CLN6: variants seen among roughly 807,000 people sequenced by gnomAD.
CLN6 encodes CLN6 transmembrane ER protein.
CLN6 carries 22 observed loss-of-function variants against 33.3 expected under a neutral mutation model. That is an observed-to-expected ratio of 0.66 (90% CI 0.47 to 0.94). CLN6 has a LOEUF of 0.94. Ranked by LOEUF, CLN6 falls within the 40% of genes least tolerant of loss-of-function variation. The pLI, the probability that CLN6 is intolerant of heterozygous loss-of-function variation, is 0.00. For missense variants in CLN6, 387 were observed against 417.1 expected, an observed-to-expected ratio of 0.93 and a Z score of 0.63; for synonymous variants, 201 against 174.6, an observed-to-expected ratio of 1.15 and a Z score of -1.19.
At chr15:68,249,961 C>T (rs1045979130) in intron 1 of CLN6, among the ~76,000 whole-genome samples, 5 of 152,058 alleles carry the variant, frequency 3.3e-5, no homozygotes, top group Admixed American at 1.3e-4. Context: ...TTAGTAGAGA[C>T]GGGGTTTCAC....
chr15:68,211,029 G>C lies in CLN6; in HGVS notation c.542+234C>G, dbSNP rs564713746. Among the ~76,000 whole-genome samples the C allele has an allele frequency of 6.6e-6, 1 of 152,204 alleles. No individual in the cohort carries two copies. The highest frequency in any genetic ancestry group is 1.9e-4 in the East Asian group (1 of 5,178). On this transcript the variant is annotated intron_variant, in intron 5 of 6. Coordinates refer to ENST00000249806, the MANE Select transcript of CLN6 (RefSeq NM_017882.3). This position sits in a 1 kb window ranked among gnomAD's most constrained non-coding sequence, Gnocchi z 5.9. Reference sequence around the variant, plus strand: ...AGGGCTGGGCGGGGGTGGCGATGCTGGGGGGATGCTGGCTGGAAGCCGGGG... The same window carrying C: ...AGGGCTGGGCGGGGGTGGCGATGCTCGGGGGATGCTGGCTGGAAGCCGGGG...
At chr15:68,214,843 C>T (rs1054476291) in intron 2 of CLN6, 6 of 239,782 alleles carry the variant, frequency 2.5e-5, no homozygotes, top group South Asian at 1.1e-4. Flanking sequence ...TTGGACCGTT[C>T]GGGTTCTGGC....
Position 68,218,712 on chromosome 15 carries a change from T to C in CLN6, c.84-62A>G, listed in dbSNP as rs992692078. The C allele has an allele frequency of 6.4e-6, 8 of 1,252,074 alleles. No individual in the cohort carries two copies. In the South Asian group the frequency reaches 7.2e-5, roughly 11 times the overall value. 77.6% of individuals were successfully genotyped at this position (1,252,074 alleles called of 1,614,324 possible). On this transcript the variant is annotated intron_variant, in intron 1 of 6. Transcript: ENST00000249806. ...CTCCTCCTCCACCAAAATCTTCCCC[T>C]GAGATTAGCCACAAAGAGGTCTGGG...
At chr15:68,232,689 T>A (rs959416580), upstream of CLN6, among the ~76,000 whole-genome samples, 6 of 152,164 alleles carry the variant, frequency 3.9e-5, no homozygotes, top group African/African-American at 1.2e-4. The surrounding 1 kb of genome is among the most constrained non-coding windows in gnomAD (Gnocchi z 4.7). Context: ...AAATAAATTT[T>A]TCTCTCTTCC....
rs764363598 is a variant in CLN6 at position 68,208,424 on chromosome 15, G to A, written c.666-14C>T. On this transcript the variant is annotated splice_polypyrimidine_tract_variant and intron_variant, in intron 6 of 6. Transcript: ENST00000249806. This position sits in a 1 kb window ranked among gnomAD's most constrained non-coding sequence, Gnocchi z 5.8. ...GTGACCAGGTACCTGGAAAGGCCAG[G>A]GGTGAGTGAGGCAGCTGCCGTGGCA... The A allele has an allele frequency of 1.1e-5, 17 of 1,611,540 alleles. No individual in the cohort carries two copies. In the Admixed American group the frequency reaches 1.8e-4, roughly 17 times the overall value.
chr15:68,208,323 C>T lies in CLN6; in HGVS notation c.753G>A (p.Lys251=), dbSNP rs2093193982. ...MLALVLHQKR[K]RLFLDSNGLF... ...GGCCGTTGCTGTCCAGGAAGAGGCG[C>T]TTGCGCTTCTGGTGCAGGACGAGGG... The change falls in exon 7 of 7, where the codon AAG becomes AAA. Residue 251 remains lysine (K), a synonymous_variant. Coordinates refer to ENST00000249806, the MANE Select transcript of CLN6 (RefSeq NM_017882.3). This position sits in a 1 kb window ranked among gnomAD's most constrained non-coding sequence, Gnocchi z 5.8. 6.2e-7 allele frequency: 1 copy of T among 1,614,012 alleles called. No homozygotes were observed. Among genetic ancestry groups the T allele is most frequent in the Non-Finnish European group, 8.5e-7 (1 of 1,180,052 alleles).
intron 2 of CLN6, 82 bp downstream of exon 2, chr15:68,218,454 T>C (rs948243952): frequency 2.0e-6 from 2 of 979,372 alleles, no homozygotes; most frequent in Non-Finnish European, 3.3e-6. Flanking sequence ...AGAAGTGACT[T>C]GTCTAAGGTC....
chr15:68,231,524 G>A (rs1053318855), upstream of CLN6, among the ~76,000 whole-genome samples: 3 of 152,202 alleles, frequency 2.0e-5, no homozygotes, highest in African/African-American at 7.2e-5. Flanking sequence ...GAGGCTTCCC[G>A]CTCTGACCCC....
intron 2 of CLN6, among the ~76,000 whole-genome samples, chr15:68,216,988 T>C (rs2093222216): frequency 6.6e-6 from 1 of 152,246 alleles, no homozygotes; most frequent in South Asian, 2.1e-4. Context: ...TCTCCTCAAG[T>C]TTCCTCATCT....
chr15:68,233,697 A>G (rs376569786), upstream of CLN6, among the ~76,000 whole-genome samples: 37 of 152,366 alleles, frequency 2.4e-4, 1 homozygote, highest in South Asian at 7.5e-3. The surrounding 1 kb of genome is among the most constrained non-coding windows in gnomAD (Gnocchi z 4.3). Flanking sequence ...CTGGGACTCC[A>G]GAAGGCAGAC....
chr15:68,252,302 C>T (rs1282146473), intron 1 of CLN6, among the ~76,000 whole-genome samples: 1 of 152,016 alleles, frequency 6.6e-6, no homozygotes, highest in Non-Finnish European at 1.5e-5. Context: ...AAGAAAAAGA[C>T]AAACCAGTAG....
chr15:68,208,091 A>AT lies in CLN6; in HGVS notation c.*48dup. 1 of 1,511,934 alleles carries AT rather than the reference A, an allele frequency of 6.6e-7. No individual in the cohort carries two copies. The highest frequency in any genetic ancestry group is 1.9e-5 in the Admixed American group (1 of 52,044). 93.7% of individuals were successfully genotyped at this position (1,511,934 alleles called of 1,614,324 possible). On this transcript the variant is annotated 3_prime_UTR_variant, in exon 7 of 7. Coordinates refer to ENST00000249806, the MANE Select transcript of CLN6 (RefSeq NM_017882.3). This position sits in a 1 kb window ranked among gnomAD's most constrained non-coding sequence, Gnocchi z 5.8. ...CTACTCCTGTATTCAGATGCCCTCC[A>AT]TGGCCCACCCTCCCACCCAGCAGAG...
At chr15:68,225,861 T>C (rs1002801825) in intron 1 of CLN6, among the ~76,000 whole-genome samples, 5 of 151,680 alleles carry the variant, frequency 3.3e-5, no homozygotes, top group African/African-American at 7.3e-5. Flanking sequence ...TAATCCCAGC[T>C]ACTCGGGAGG....
At chr15:68,244,084 AAAAC>A (rs138146168) in intron 1 of CLN6, among the ~76,000 whole-genome samples, 70,732 of 150,184 alleles carry the variant, frequency 0.47, 17,397 homozygotes, top group Non-Finnish European at 0.55. Flanking sequence ...AAAAAAACAA[AAAAC>A]AAACAAAAAA....
At position 68,241,557 on chromosome 15, in the gene CLN6, T is replaced by C. The variant is rs1404700553; in HGVS notation, c.179+15133A>G. ...GAGACCTTGCCTCTGCCTCAACCCA[T>C]GGGAAGCATCATGATTGCCTGAAGG... On this transcript the variant is annotated intron_variant, in intron 1 of 6. Transcript: ENST00000538696. The surrounding 1 kb of genome is among the most constrained non-coding windows in gnomAD (Gnocchi z 4.2). Among the ~76,000 whole-genome samples, 1 of 151,794 alleles carries C rather than the reference T, an allele frequency of 6.6e-6. No individual in the cohort carries two copies. Among genetic ancestry groups the C allele is most frequent in the Non-Finnish European group, 1.5e-5 (1 of 67,894 alleles).
chr15:68,211,659 C>G lies in CLN6; in HGVS notation c.486+16G>C. 6.2e-7 allele frequency: 1 copy of G among 1,612,904 alleles called. No individual in the cohort carries two copies. The highest frequency in any genetic ancestry group is 8.5e-7 in the Non-Finnish European group (1 of 1,179,984). ...GCTCCTAGGGCTTACAGGCAGGGAGCAGGAGGTGGCCTCACCAGCGTCTCC... is the reference window on the plus strand; with the variant it reads ...GCTCCTAGGGCTTACAGGCAGGGAGGAGGAGGTGGCCTCACCAGCGTCTCC... On this transcript the variant is annotated intron_variant, in intron 4 of 6. Coordinates refer to ENST00000249806, the MANE Select transcript of CLN6 (RefSeq NM_017882.3). The surrounding 1 kb of genome is among the most constrained non-coding windows in gnomAD (Gnocchi z 5.9).
intron 3 of CLN6, chr15:68,212,738 T>G (rs1411177227): frequency 1.3e-5 from 2 of 152,352 alleles, no homozygotes; most frequent in Non-Finnish European, 2.9e-5. Flanking sequence ...CTCAAACTAC[T>G]GGCCTCAAGT....
chr15:68,239,708 A>G (rs1406934453), intron 1 of CLN6, among the ~76,000 whole-genome samples: 2 of 152,216 alleles, frequency 1.3e-5, no homozygotes, highest in Non-Finnish European at 2.9e-5. Context: ...TGAGTCAAGA[A>G]AGATTTGAAT....
In CLN6 at chr15:68,219,664, G is replaced by A. The variant is rs1318679250; in HGVS notation, c.84-1014C>T. Among the ~76,000 whole-genome samples, 1 of 152,142 alleles carries A rather than the reference G, an allele frequency of 6.6e-6. No homozygotes were observed. The highest frequency in any genetic ancestry group is 2.4e-5 in the African/African-American group (1 of 41,432). On this transcript the variant is annotated intron_variant, in intron 1 of 6. Transcript: ENST00000249806. This position sits in a 1 kb window ranked among gnomAD's most constrained non-coding sequence, Gnocchi z 4.2. Reference sequence around the variant, plus strand: ...CGCCAACCCAGTCTGGCATAATGGGGCTGGAGCTGTACTCTCCCATCTAGA... The same window carrying A: ...CGCCAACCCAGTCTGGCATAATGGGACTGGAGCTGTACTCTCCCATCTAGA...
Sources: gnomAD v4.1 joint callset for allele counts (sites outside exome capture counted in the v4.1 genomes callset) on GRCh38, gnomAD v4.1.1 for gene constraint, Gnocchi (gnomAD v3.1) non-coding constraint, MANE v1.5 for transcripts, NCBI Gene and HGNC (gene_info 2026-07-23, HGNC 2026-07-21) for gene names.